The following TTC21A variants were observed in gnomAD, a reference collection of about 807,000 sequenced individuals.
TTC21A encodes tetratricopeptide repeat domain 21A, also known as tetratricopeptide repeat protein 21A.
Under a neutral mutation model 156.4 loss-of-function variants are expected in TTC21A, and 128 were observed. The observed-to-expected ratio is 0.82, with a 90% CI of 0.71 to 0.95. TTC21A has a LOEUF of 0.95. Ranked by LOEUF, TTC21A falls within the 40% of genes least tolerant of loss-of-function variation. The pLI, the probability that TTC21A is intolerant of heterozygous loss-of-function variation, is 0.00. For synonymous variants in TTC21A, 587 were observed against 617.1 expected, an observed-to-expected ratio of 0.95 and a Z score of 0.72; for missense variants, 1,435 against 1,602.3, an observed-to-expected ratio of 0.90 and a Z score of 1.78.
intron 11 of TTC21A, 109 bp from the exon 12 acceptor site, chr3:39,126,151 AG>A (rs1575534218): frequency 7.5e-7 from 1 of 1,334,452 alleles, no homozygotes; most frequent in East Asian, 2.3e-5. Context: ...ATAATAAATA[AG>A]TGTGGAATGA....
rs1238874790 is a variant in TTC21A, at chr3:39,130,963, T to A, written c.2459-29T>A. 6.2e-7 allele frequency: 1 copy of A among 1,610,896 alleles called. No homozygotes were observed. The highest frequency in any genetic ancestry group is 8.5e-7 in the Non-Finnish European group (1 of 1,178,080). On this transcript the variant is annotated intron_variant, in intron 18 of 28. Transcript: ENST00000683103. The surrounding 1 kb of genome is among the most constrained non-coding windows in gnomAD (Gnocchi z 4.5). Reference sequence around the variant, plus strand: ...CACAGCTTCCCAGGAGCCAGTGAACTAACACTAATTTGAGTTTCCATTTAA... The same window carrying A: ...CACAGCTTCCCAGGAGCCAGTGAACAAACACTAATTTGAGTTTCCATTTAA...
rs779301763 is a variant in TTC21A, at chr3:39,134,412, C to G, written c.2862+84C>G. ...TGACCAGATGCAGGCTACTTCCTAG[C>G]CCCGTAACCTCAGATGCCTCACTGA... On this transcript the variant is annotated intron_variant, in intron 21 of 28. Transcript: ENST00000683103. The surrounding 1 kb of genome is among the most constrained non-coding windows in gnomAD (Gnocchi z 4.6). 7.2e-6 allele frequency: 7 copies of G among 967,656 alleles called. No individual in the cohort carries two copies. Among genetic ancestry groups the G allele is most frequent in the Non-Finnish European group, 1.0e-5 (6 of 591,354 alleles). The allele number at this position is 967,656 out of a possible 1,614,324, so 59.9% of individuals were successfully genotyped here. A position where few individuals can be genotyped will look rare whatever the true frequency, so the allele number is the denominator to read the frequency against.
intron 7 of TTC21A, chr3:39,119,506 T>G (rs1291741711): frequency 6.5e-6 from 1 of 154,194 alleles, no homozygotes; most frequent in Non-Finnish European, 1.4e-5. Context: ...CCTGGCAGGC[T>G]GCACTGTGGA....
At chr3:39,123,895 A>G (rs1363743205) in intron 9 of TTC21A, among the ~76,000 whole-genome samples, 2 of 152,204 alleles carry the variant, frequency 1.3e-5, no homozygotes, top group Admixed American at 1.3e-4. Context: ...TTCACAGTAG[A>G]AAGGAAAAGG....
At chr3:39,133,287 A>G in intron 20 of TTC21A, 47 bp downstream of exon 20, 1 of 1,583,504 alleles carries the variant, frequency 6.3e-7, no homozygotes, top group Non-Finnish European at 8.6e-7. Context: ...TCAGGGCACA[A>G]TGACTTGCTG....
At chr3:39,131,131 ATCT>A in intron 19 of TTC21A, 36 bp downstream of exon 19, 1 of 1,532,630 alleles carries the variant, frequency 6.5e-7, no homozygotes, top group Non-Finnish European at 8.9e-7. Flanking sequence ...TTTATCTGCC[ATCT>A]GCTGATGGGG....
At position 39,121,085 on chromosome 3, in the gene TTC21A, C is replaced by T; in HGVS notation, c.989C>T (p.Thr330Ile). 6.2e-7 allele frequency: 1 copy of T among 1,614,126 alleles called. No individual in the cohort carries two copies. Among genetic ancestry groups the T allele is most frequent in the Non-Finnish European group, 8.5e-7 (1 of 1,180,006 alleles). Residue 330 changes from threonine (T) to isoleucine (I), a missense_variant, in exon 9 of 29, where the codon ACA becomes ATA. Transcript: ENST00000683103. ...MATPSYVHVA[T>I]ELGYLFILKN... ...ACCCCCTCGTATGTCCATGTGGCCA[C>T]AGAACTGGGCTATCTCTTCATCCTG...
Position 39,137,330 on chromosome 3 carries a change from G to A in TTC21A, c.3393G>A (p.Arg1131=), listed in dbSNP as rs1299674121. The change falls in exon 25 of 29, where the codon AGG becomes AGA. Residue 1131 remains arginine, a synonymous_variant. Transcript: ENST00000683103. The part of the protein sequence containing the change: ...LLQGLCRLAT[R]EKANMEAALG... The stretch of plus-strand genomic sequence containing the variant: ...AGGGCCTCTGCCGGCTGGCCACCAG[G>A]GAGAAGGCTAACATGGAGGCTGCGC... 4 of 1,613,836 alleles carry A rather than the reference G, an allele frequency of 2.5e-6. No individual in the cohort carries two copies. The highest frequency in any genetic ancestry group is 2.5e-6 in the Non-Finnish European group (3 of 1,179,956).
chr3:39,107,728 C>T lies in TTC21A; in HGVS notation c.-110C>T, dbSNP rs182356985. 995 of 1,504,840 alleles carry T rather than the reference C, an allele frequency of 6.6e-4. 6 individuals carry two copies. The highest frequency in any genetic ancestry group is 1.8e-3 in the East Asian group (78 of 44,222). 93.2% of individuals were successfully genotyped at this position (1,504,840 alleles called of 1,614,324 possible). ...CGGCTAGCAGCTCGGTTTCCAAGGACTGTAACGCCTTCAACCGCCCGCCGC... is the reference window on the plus strand; with the variant it reads ...CGGCTAGCAGCTCGGTTTCCAAGGATTGTAACGCCTTCAACCGCCCGCCGC... On this transcript the variant is annotated 5_prime_UTR_variant, in exon 1 of 29. Transcript: ENST00000683103.
At chr3:39,122,522 A>G (rs553257058) in intron 9 of TTC21A, among the ~76,000 whole-genome samples, 1 of 152,314 alleles carries the variant, frequency 6.6e-6, no homozygotes, top group South Asian at 2.1e-4. Flanking sequence ...AGGAAAAACA[A>G]AAACTAAAAA....
Position 39,137,522 on chromosome 3 carries a change from G to A in TTC21A, c.3487G>A (p.Ala1163Thr), listed in dbSNP as rs1238886878. ...CCCTGCCCTGCTGGCCTTGGCACAAGCCTACGTGTTCCTGAAGCAGATCCC... is the reference window on the plus strand; with the variant it reads ...CCCTGCCCTGCTGGCCTTGGCACAAACCTACGTGTTCCTGAAGCAGATCCC... ...SVPALLALAQAYVFLKQIPKA... is the reference protein window; with the variant it reads ...SVPALLALAQTYVFLKQIPKA... The change falls in exon 26 of 29, where the codon GCC (alanine) becomes ACC (threonine). Residue 1163 changes from alanine to threonine, a missense_variant. By Grantham distance (58) the Ala-to-Thr change is moderately conservative. Coordinates refer to ENST00000683103, the MANE Select transcript of TTC21A (RefSeq NM_001366900.1). The A allele has an allele frequency of 4.3e-6, 7 of 1,614,268 alleles. No homozygotes were observed. Among genetic ancestry groups the A allele is most frequent in the East Asian group, 2.2e-5 (1 of 44,890 alleles).
chr3:39,123,881 A>G (rs1026126985), intron 9 of TTC21A, among the ~76,000 whole-genome samples: 1 of 152,214 alleles, frequency 6.6e-6, no homozygotes, highest in African/African-American at 2.4e-5. Context: ...CTGTGAACAG[A>G]ATATTCACAG....
chr3:39,132,951 C>T, intron 19 of TTC21A, 101 bp from the exon 20 acceptor site: 1 of 1,410,994 alleles, frequency 7.1e-7, no homozygotes, highest in Non-Finnish European at 9.7e-7. Context: ...ACTTATGTGT[C>T]ATTTTTCATA....
At chr3:39,135,292 T>C (rs2039031930) in intron 22 of TTC21A, 118 bp downstream of exon 22, 1 of 874,260 alleles carries the variant, frequency 1.1e-6, no homozygotes. Context: ...CCTTCCTCCC[T>C]GATTGTTCCA....
At position 39,121,059 on chromosome 3, in the gene TTC21A, C is replaced by T. The variant is rs1182501113; in HGVS notation, c.963C>T (p.Ala321=). The change falls in exon 9 of 29, where the codon GCC becomes GCT. Residue 321 remains alanine, a synonymous_variant. Transcript: ENST00000683103. ...GTTTCATCGAGCGCACCTTCATGGC[C>T]ACCCCCTCGTATGTCCATGTGGCCA... ...VCSFIERTFM[A]TPSYVHVATE... 1 of 1,613,982 alleles carries T rather than the reference C, an allele frequency of 6.2e-7. No homozygotes were observed. Among genetic ancestry groups the T allele is most frequent in the Non-Finnish European group, 8.5e-7 (1 of 1,179,934 alleles).
Position 39,133,193 on chromosome 3 carries a change from G to C in TTC21A, c.2704G>C (p.Val902Leu). ...YLAEKEYDKA[V>L]QSYKDVFSYL... is the part of the protein sequence containing the mutation. ...GGCAGAGAAAGAGTATGACAAGGCG[G>C]TACAGTCTTATAAGGATGTCTTCTC... Residue 902 changes from valine to leucine, a missense_variant, in exon 20 of 29, where the codon GTA (valine) becomes CTA (leucine). Physicochemically the swap from Val to Leu is conservative, Grantham distance 32 (BLOSUM62 1). Coordinates refer to ENST00000683103, the MANE Select transcript of TTC21A (RefSeq NM_001366900.1). 1 of 1,614,218 alleles carries C rather than the reference G, an allele frequency of 6.2e-7. No homozygotes were observed.
At chr3:39,108,838 G>T in intron 1 of TTC21A, among the ~76,000 whole-genome samples, 1 of 152,248 alleles carries the variant, frequency 6.6e-6, no homozygotes, top group Non-Finnish European at 1.5e-5. Context: ...CCCCATCATA[G>T]TTGAACCAGA....
rs1288337295 is a variant in TTC21A at position 39,134,731 on chromosome 3, A to G, written c.2863-362A>G. The G allele has an allele frequency of 4.2e-6, 2 of 474,914 alleles. No homozygotes were observed. The highest frequency in any genetic ancestry group is 8.0e-5 in the East Asian group (2 of 24,946). 29.4% of individuals were successfully genotyped at this position (474,914 alleles called of 1,614,324 possible). On this transcript the variant is annotated intron_variant, in intron 21 of 28. Transcript: ENST00000683103. The surrounding 1 kb of genome is among the most constrained non-coding windows in gnomAD (Gnocchi z 4.6). The stretch of plus-strand genomic sequence containing the variant: ...AGCAGAAGCTGAGCCCTTGCAGAGC[A>G]AGGAGGGGTCCTCATCCCTACCTCT...
chr3:39,109,312 C>A, intron 2 of TTC21A, 98 bp downstream of exon 2: 1 of 1,358,526 alleles, frequency 7.4e-7, no homozygotes, highest in Non-Finnish European at 1.0e-6. Flanking sequence ...TAGTTATGGT[C>A]CCATAAAAAC....
Sources: allele counts gnomAD v4.1 joint callset (sites outside exome capture counted in the v4.1 genomes callset), GRCh38; gene constraint gnomAD v4.1.1; non-coding constraint Gnocchi (gnomAD v3.1); transcripts MANE v1.5; gene names NCBI Gene and HGNC (gene_info 2026-07-23, HGNC 2026-07-21).